Variants in PRORP observed in about 807,000 individuals in gnomAD.
The protein encoded by PRORP is mitochondrial ribonuclease P catalytic subunit.
In PRORP, 51 loss-of-function variants were observed where a neutral mutation model predicts 59.4. That is an observed-to-expected ratio of 0.86 (90% confidence interval 0.69 to 1.08). The LOEUF (loss-of-function observed/expected upper bound fraction) is 1.08, where lower values mean the gene tolerates loss of function less well. PRORP is among the 50% of genes least tolerant of loss of function. The probability of loss-of-function intolerance (pLI) is 0.00; values close to 1 mark genes in which losing one functional copy is unlikely to be tolerated. For synonymous variants in PRORP, 231 were observed against 245.6 expected, an observed-to-expected ratio of 0.94 and a Z score of 0.55; for missense variants, 646 against 690.3, an observed-to-expected ratio of 0.94 and a Z score of 0.72.
At chr14:35,178,562 A>C (rs1354281472) in intron 4 of PRORP, among the ~76,000 whole-genome samples, 1 of 152,164 alleles carries the variant, frequency 6.6e-6, no homozygotes, top group African/African-American at 2.4e-5. Flanking sequence ...CTAGGATTGC[A>C]ACCTCTGCCT....
At chr14:35,234,607 C>A (rs2138510907) in intron 5 of PRORP, among the ~76,000 whole-genome samples, 1 of 151,614 alleles carries the variant, frequency 6.6e-6, no homozygotes, top group Non-Finnish European at 1.5e-5. Context: ...TTACTTACTT[C>A]ATTTTTTTTT....
At chr14:35,149,044 G>A (rs890593617) in intron 4 of PRORP, among the ~76,000 whole-genome samples, 3 of 141,154 alleles carry the variant, frequency 2.1e-5, no homozygotes, top group East Asian at 2.2e-4. Context: ...TCAGCCTCCC[G>A]AGTAGCTGGG....
chr14:35,150,793 C>T (rs1217388554), intron 4 of PRORP, among the ~76,000 whole-genome samples: 1 of 151,944 alleles, frequency 6.6e-6, no homozygotes, highest in South Asian at 2.1e-4. Context: ...TCATAGAGAA[C>T]GTTTTGAGGG....
chr14:35,211,819 A>G (rs772353642), intron 5 of PRORP, among the ~76,000 whole-genome samples: 23 of 152,244 alleles, frequency 1.5e-4, no homozygotes, highest in Middle Eastern at 6.8e-3. Flanking sequence ...CGATTTCTTA[A>G]AGATAACAAT....
rs549799863 is a variant in PRORP at position 35,122,956 on chromosome 14, A to T, written c.-290A>T. 4.6e-5 allele frequency: 16 copies of T among 346,464 alleles called. No individual in the cohort carries two copies. The Admixed American group carries it at 6.1e-4, about 13-fold the overall frequency. The allele number at this position is 346,464 out of a possible 1,614,324, so 21.5% of individuals were successfully genotyped here. A position where few individuals can be genotyped will look rare whatever the true frequency, so the allele number is the denominator to read the frequency against. On this transcript the variant is annotated 5_prime_UTR_variant, in exon 2 of 8. It removes an upstream start codon present in the reference 5' UTR. Coordinates refer to ENST00000534898, the MANE Select transcript of PRORP (RefSeq NM_014672.4). ...CGTCTTGTGCTTTTTCCTCAGGTTCATGAACTGGAATGTAAGAGGCACCAG... is the reference window on the plus strand; with the variant it reads ...CGTCTTGTGCTTTTTCCTCAGGTTCTTGAACTGGAATGTAAGAGGCACCAG...
chr14:35,158,836 T>C, intron 4 of PRORP: 1 of 309,764 alleles, frequency 3.2e-6, no homozygotes. Flanking sequence ...AATAATTCTA[T>C]GAGAAAGACT....
At chr14:35,269,058 C>G (rs1199555416) in intron 6 of PRORP, among the ~76,000 whole-genome samples, 1 of 152,112 alleles carries the variant, frequency 6.6e-6, no homozygotes, top group Admixed American at 6.5e-5. Context: ...ATTGGGTAGA[C>G]AGTAAGATTG....
chr14:35,239,608 G>A (rs1459146017), intron 5 of PRORP, among the ~76,000 whole-genome samples: 2 of 152,134 alleles, frequency 1.3e-5, no homozygotes, highest in Non-Finnish European at 2.9e-5. Context: ...CAAGATTCTC[G>A]TGACCTTTGA....
intron 5 of PRORP, among the ~76,000 whole-genome samples, chr14:35,240,294 CTT>C (rs3058452): frequency 3.7e-5 from 4 of 109,394 alleles, no homozygotes; most frequent in Non-Finnish European, 3.6e-5. Context: ...TTTAAACCAT[CTT>C]TTTTTTTTTT....
At chr14:35,206,420 C>G (rs186676552) in intron 5 of PRORP, among the ~76,000 whole-genome samples, 65 of 152,262 alleles carry the variant, frequency 4.3e-4, no homozygotes, top group Non-Finnish European at 7.2e-4. Flanking sequence ...CATTAATCCC[C>G]AGAAATTATC....
At chr14:35,134,705 A>G (rs996828507) in intron 4 of PRORP, among the ~76,000 whole-genome samples, 2 of 152,112 alleles carry the variant, frequency 1.3e-5, no homozygotes, top group Admixed American at 1.3e-4. Context: ...CTTCTCAAGT[A>G]GAAGGAGTGG....
intron 4 of PRORP, among the ~76,000 whole-genome samples, chr14:35,164,721 C>T (rs1442891701): frequency 6.6e-6 from 1 of 152,042 alleles, no homozygotes; most frequent in East Asian, 1.9e-4. Flanking sequence ...CGAACCTCTA[C>T]ATGGATCTGC....
chr14:35,256,002 C>T (rs1487247941), intron 5 of PRORP, among the ~76,000 whole-genome samples: 1 of 151,798 alleles, frequency 6.6e-6, no homozygotes, highest in Non-Finnish European at 1.5e-5. Context: ...AAGATTTTAT[C>T]AGGCTGGGCG....
At chr14:35,158,113 C>G (rs1387570517) in intron 4 of PRORP, 1 of 265,774 alleles carries the variant, frequency 3.8e-6, no homozygotes, top group Middle Eastern at 9.7e-4. Context: ...TTTTTTTTTA[C>G]CTTCATTTCA....
intron 5 of PRORP, among the ~76,000 whole-genome samples, chr14:35,232,703 T>G (rs903308046): frequency 2.6e-5 from 4 of 151,870 alleles, no homozygotes; most frequent in African/African-American, 4.8e-5. Flanking sequence ...AGACAGAATC[T>G]TTCTTCGTTG....
chr14:35,199,117 G>A (rs112471310), intron 5 of PRORP, among the ~76,000 whole-genome samples: 11 of 152,012 alleles, frequency 7.2e-5, no homozygotes, highest in Non-Finnish European at 7.4e-5. Context: ...GCAGTGAGCC[G>A]AAATCGTGCC....
At chr14:35,174,759 T>C (rs2048403580) in intron 4 of PRORP, among the ~76,000 whole-genome samples, 1 of 151,498 alleles carries the variant, frequency 6.6e-6, no homozygotes, top group African/African-American at 2.4e-5. Flanking sequence ...TCTTTTTTTT[T>C]TTTTTATTAT....
intron 5 of PRORP, among the ~76,000 whole-genome samples, chr14:35,253,671 T>G (rs951443560): frequency 6.6e-6 from 1 of 152,084 alleles, no homozygotes; most frequent in African/African-American, 2.4e-5. Flanking sequence ...TCAAAATGAC[T>G]CCCCTTGGTT....
intron 4 of PRORP, among the ~76,000 whole-genome samples, chr14:35,144,661 T>A: frequency 6.8e-6 from 1 of 146,060 alleles, no homozygotes; most frequent in East Asian, 2.3e-4. Context: ...CGTTCTTTGA[T>A]ACTATGCCCA....
Sources: gnomAD v4.1 joint callset for allele counts (sites outside exome capture counted in the v4.1 genomes callset) on GRCh38, gnomAD v4.1.1 for gene constraint, MANE v1.5 for transcripts, NCBI Gene and HGNC (gene_info 2026-07-23, HGNC 2026-07-21) for gene names.